Variants in ZNF446 observed in about 807,000 individuals in gnomAD.
ZNF446 encodes the protein zinc finger protein with KRAB and SCAN domains 20.
A neutral mutation model predicts 34.0 loss-of-function variants in ZNF446; 42 were observed. The ratio of observed to expected loss-of-function variants is 1.23; its 90% CI spans 0.96 to 1.60. The LOEUF is 1.60. Ranked by LOEUF, ZNF446 falls within the 40% of genes most tolerant of loss-of-function variation. ZNF446 has a pLI of 0.00. For missense variants in ZNF446, 650 were observed against 600.2 expected, an observed-to-expected ratio of 1.08 and a Z score of -0.87; for synonymous variants, 315 against 251.0, an observed-to-expected ratio of 1.25 and a Z score of -2.41.
Position 58,477,251 on chromosome 19 carries a change from C to A in ZNF446, c.33C>A (p.Pro11=), listed in dbSNP as rs749929904. The A allele has an allele frequency of 6.3e-7, 1 of 1,593,220 alleles. No individual in the cohort carries two copies. Among genetic ancestry groups the A allele is most frequent in the Non-Finnish European group, 8.6e-7 (1 of 1,167,374 alleles). The change falls in exon 2 of 7, where the codon CCC becomes CCA. Residue 11 remains proline (P), a synonymous_variant. Transcript: ENST00000594369. MPSPLGPPCL[P]VMDPETTLEE... ...CCCCTCTGGGTCCCCCATGCCTGCC[C>A]GTCATGGACCCAGAGACCACCCTTG...
intron 4 of ZNF446, 36 bp from the exon 5 acceptor site, chr19:58,479,607 T>C (rs1193097697): frequency 3.7e-6 from 6 of 1,605,794 alleles, no homozygotes; most frequent in Non-Finnish European, 5.1e-6. Flanking sequence ...AGGGAAGGGG[T>C]GGAAAGACGC....
At chr19:58,485,561 C>T (rs1353516510), downstream of ZNF446, among the ~76,000 whole-genome samples, 4 of 151,996 alleles carry the variant, frequency 2.6e-5, no homozygotes, top group Non-Finnish European at 5.9e-5. Context: ...CTAGGTCAAT[C>T]TAGGAACAGA....
chr19:58,480,724 T>C lies in ZNF446; in HGVS notation c.1351T>C (p.Ter451ArgextTer132), dbSNP rs2053133504. The C allele has an allele frequency of 1.9e-6, 3 of 1,601,994 alleles. No individual in the cohort carries two copies. Among genetic ancestry groups the C allele is most frequent in the South Asian group, 1.1e-5 (1 of 91,000 alleles). Reference protein sequence around the residue: ...HRKGHRPEVP* With the variant: ...HRKGHRPEVPR Reference sequence around the variant, plus strand: ...CAAGGGCCACCGGCCGGAGGTTCCATGAGCAGCCAGACAGCACAGTCCCTC... The same window carrying C: ...CAAGGGCCACCGGCCGGAGGTTCCACGAGCAGCCAGACAGCACAGTCCCTC... The change falls in exon 7 of 7, where the codon TGA becomes CGA. Residue 451 changes from the stop codon to arginine (R), a stop_lost. Transcript: ENST00000594369. This position sits in a 1 kb window ranked among gnomAD's most constrained non-coding sequence, Gnocchi z 7.2.
intron 3 of ZNF446, 53 bp from the exon 4 acceptor site, chr19:58,478,034 T>C: frequency 6.5e-7 from 1 of 1,531,468 alleles, no homozygotes; most frequent in Non-Finnish European, 8.9e-7. Context: ...TCATCTGCCA[T>C]GGCTCATGTG....
In ZNF446 at chr19:58,480,371, C is replaced by T. The variant is rs375255776; in HGVS notation, c.998C>T (p.Thr333Met). ...EPAATPRKPY[T>M]CEQCGRGFDW... is the part of the protein sequence containing the mutation. ...GCTGCCACCCCCAGGAAGCCCTACA[C>T]GTGCGAGCAGTGTGGCCGCGGCTTC... Residue 333 changes from threonine (T) to methionine (M), a missense_variant, in exon 7 of 7, where the codon ACG (threonine) becomes ATG (methionine). Thr to Met is a moderately conservative substitution (Grantham distance 81). Transcript: ENST00000594369. The surrounding 1 kb of genome is among the most constrained non-coding windows in gnomAD (Gnocchi z 7.2). The T allele has an allele frequency of 1.2e-5, 20 of 1,608,588 alleles. No homozygotes were observed. Among genetic ancestry groups the T allele is most frequent in the Middle Eastern group, 1.7e-4 (1 of 6,054 alleles).
Position 58,477,838 on chromosome 19 carries a change from G to A in ZNF446, c.532+12G>A, listed in dbSNP as rs1230284859. 6.5e-7 allele frequency: 1 copy of A among 1,532,928 alleles called. No individual in the cohort carries two copies. Among genetic ancestry groups the A allele is most frequent in the Admixed American group, 2.1e-5 (1 of 46,636 alleles). 95.0% of individuals were successfully genotyped at this position (1,532,928 alleles called of 1,614,324 possible). A position where few individuals can be genotyped will look rare whatever the true frequency, so the allele number is the denominator to read the frequency against. Reference sequence around the variant, plus strand: ...TGGACAGGAAGTGGGTGAGGTTGGGGTCCCACCAGAGATGAGGGACTCCTG... The same window carrying A: ...TGGACAGGAAGTGGGTGAGGTTGGGATCCCACCAGAGATGAGGGACTCCTG... On this transcript the variant is annotated intron_variant, in intron 3 of 6. Transcript: ENST00000594369.
At chr19:58,484,314 T>G (rs1306240296), downstream of ZNF446, among the ~76,000 whole-genome samples, 1 of 149,226 alleles carries the variant, frequency 6.7e-6, no homozygotes, top group Non-Finnish European at 1.5e-5. Flanking sequence ...AAAAAAAATT[T>G]TTTTAGCTGG....
At chr19:58,484,792 T>C (rs2053160891), downstream of ZNF446, among the ~76,000 whole-genome samples, 1 of 152,200 alleles carries the variant, frequency 6.6e-6, no homozygotes, top group Non-Finnish European at 1.5e-5. Flanking sequence ...GTGCAGTGGT[T>C]CACTCCTGTA....
At chr19:58,486,717 T>TGGGGG in the ZNF446 span, among the ~76,000 whole-genome samples, 1 of 89,974 alleles carries the variant, frequency 1.1e-5, no homozygotes, top group African/African-American at 5.1e-5. Context: ...CTTTTTTTTT[T>TGGGGG]GGGGGGGGGC....
chr19:58,481,603 A>G (rs2053140748), downstream of ZNF446, among the ~76,000 whole-genome samples: 1 of 152,186 alleles, frequency 6.6e-6, no homozygotes, highest in South Asian at 2.1e-4. Flanking sequence ...GCAGGAAGGC[A>G]AAAGGTCAGC....
chr19:58,476,957 C>T (rs926206717), intron 1 of ZNF446, among the ~76,000 whole-genome samples: 1 of 152,172 alleles, frequency 6.6e-6, no homozygotes, highest in Non-Finnish European at 1.5e-5. Flanking sequence ...TCCCTGGACA[C>T]CTTGCGTCCA....
downstream of ZNF446, among the ~76,000 whole-genome samples, chr19:58,485,775 T>C (rs1190307821): frequency 1.3e-5 from 2 of 152,178 alleles, no homozygotes; most frequent in Admixed American, 6.5e-5. Context: ...AGACAGGGTC[T>C]CAATATGTTG....
intron 3 of ZNF446, 36 bp downstream of exon 3, chr19:58,477,862 TGGAG>T (rs1432976442): frequency 5.4e-6 from 8 of 1,491,224 alleles, no homozygotes; most frequent in Admixed American, 2.5e-5. Context: ...GAGGGACTCC[TGGAG>T]GAAGTGTGGA....
chr19:58,487,223 G>C, the ZNF446 span, among the ~76,000 whole-genome samples: 1 of 152,154 alleles, frequency 6.6e-6, no homozygotes, highest in African/African-American at 2.4e-5. Flanking sequence ...ATTTGATGAT[G>C]TCATATGGCA....
At chr19:58,485,978 G>A (rs2053166610), downstream of ZNF446, among the ~76,000 whole-genome samples, 1 of 151,884 alleles carries the variant, frequency 6.6e-6, no homozygotes, top group South Asian at 2.1e-4. Flanking sequence ...GAAGTGTAGT[G>A]TGAACATGGC....
At chr19:58,479,421 T>C in intron 4 of ZNF446, 1 of 565,294 alleles carries the variant, frequency 1.8e-6, no homozygotes. Context: ...CTGAGCAGGA[T>C]GGTGTAGTAG....
At chr19:58,489,218 C>T in the ZNF446 span, among the ~76,000 whole-genome samples, 177 of 152,308 alleles carry the variant, frequency 1.2e-3, 1 homozygote, top group Admixed American at 0.012. Flanking sequence ...TTAGGAGTCA[C>T]GCAGCTGGAG....
At chr19:58,488,848 C>CAAAAAAAAA in the ZNF446 span, among the ~76,000 whole-genome samples, 4 of 102,314 alleles carry the variant, frequency 3.9e-5, no homozygotes, top group African/African-American at 7.5e-5. Flanking sequence ...AAGACTCCGT[C>CAAAAAAAAA]AAAAAAAAAA....
chr19:58,477,504 G>T lies in ZNF446; in HGVS notation c.286G>T (p.Glu96Ter). Residue 96 changes from glutamate (E) to a stop codon, truncating the protein, a stop_gained, in exon 2 of 7, where the codon GAG (glutamate) becomes TAG (stop). Transcript: ENST00000594369. LOFTEE classifies it high-confidence loss of function. The stretch of plus-strand genomic sequence containing the variant: ...CGGTCAGCGGCCAGGCAGTCCTGAG[G>T]AGGCCGCTGCCCTAGTCGAAGGACT... Reference protein sequence around the residue: ...VRGQRPGSPEEAAALVEGLQH... With the variant: ...VRGQRPGSPE 6.2e-7 allele frequency: 1 copy of T among 1,613,380 alleles called. No individual in the cohort carries two copies. Among genetic ancestry groups the T allele is most frequent in the Non-Finnish European group, 8.5e-7 (1 of 1,179,844 alleles).
Sources: allele counts gnomAD v4.1 joint callset (sites outside exome capture counted in the v4.1 genomes callset), GRCh38; gene constraint gnomAD v4.1.1; non-coding constraint Gnocchi (gnomAD v3.1); transcripts MANE v1.5; gene names NCBI Gene and HGNC (gene_info 2026-07-23, HGNC 2026-07-21).